Variants in RANBP2 observed in about 807,000 individuals in gnomAD.
The protein encoded by RANBP2 is E3 SUMO-protein ligase RanBP2.
RANBP2 carries 57 observed loss-of-function variants against 303.6 expected under a neutral mutation model. That is an observed-to-expected ratio of 0.19 (90% CI 0.15 to 0.23). The LOEUF (loss-of-function observed/expected upper bound fraction) is 0.23, where lower values mean the gene tolerates loss of function less well. Among genes scored for constraint, RANBP2 ranks in the 10% least tolerant of loss-of-function variants. The pLI is 1.00. For synonymous variants in RANBP2, 1,167 were observed against 1,301.5 expected, an observed-to-expected ratio of 0.90 and a Z score of 2.23; for missense variants, 3,138 against 3,780.8, an observed-to-expected ratio of 0.83 and a Z score of 4.46.
the RANBP2 span, chr2:108,907,904 G>T: frequency 6.2e-7 from 1 of 1,613,664 alleles, no homozygotes. Flanking sequence ...CTGGCCAGGT[G>T]AACCAGCGAC....
the RANBP2 span, among the ~76,000 whole-genome samples, chr2:108,985,602 T>A: frequency 6.6e-6 from 1 of 152,168 alleles, no homozygotes; most frequent in Non-Finnish European, 1.5e-5. Context: ...GGCAAGAGGA[T>A]CTGGGCAAGG....
chr2:109,614,610 G>C, the RANBP2 span: 1 of 1,457,532 alleles, frequency 6.9e-7, no homozygotes, highest in Admixed American at 2.5e-5. Flanking sequence ...CTTCAGGGGC[G>C]CCCTAGGCGG....
the RANBP2 span, among the ~76,000 whole-genome samples, chr2:109,417,928 C>G: frequency 6.6e-6 from 1 of 152,130 alleles, no homozygotes; most frequent in Non-Finnish European, 1.5e-5. Context: ...CTTCTTGCTC[C>G]TAAGCTAAGA....
chr2:109,273,367 G>A, the RANBP2 span, among the ~76,000 whole-genome samples: 16 of 152,218 alleles, frequency 1.1e-4, no homozygotes, highest in African/African-American at 3.6e-4. Flanking sequence ...GCTCCATTGA[G>A]CCTTAACGCA....
chr2:108,871,778 C>T, the RANBP2 span, among the ~76,000 whole-genome samples: 7 of 152,152 alleles, frequency 4.6e-5, no homozygotes, highest in South Asian at 2.1e-4. Context: ...TCATCTTCCC[C>T]GCCTCCATTT....
chr2:108,975,285 G>A, the RANBP2 span, among the ~76,000 whole-genome samples: 1 of 152,138 alleles, frequency 6.6e-6, no homozygotes, highest in South Asian at 2.1e-4. Flanking sequence ...ATCCCCTGCC[G>A]GCCACCATGC....
At chr2:109,462,784 G>A in the RANBP2 span, among the ~76,000 whole-genome samples, 1 of 152,074 alleles carries the variant, frequency 6.6e-6, no homozygotes, top group Non-Finnish European at 1.5e-5. Flanking sequence ...ATGGGTTCAG[G>A]GCCATACTTG....
At chr2:109,600,125 G>A in the RANBP2 span, among the ~76,000 whole-genome samples, 2 of 152,130 alleles carry the variant, frequency 1.3e-5, no homozygotes, top group Admixed American at 6.5e-5. Context: ...GCACAGTAGG[G>A]ATGTCAGGGC....
chr2:109,431,870 CA>C, the RANBP2 span, among the ~76,000 whole-genome samples: 65 of 142,526 alleles, frequency 4.6e-4, no homozygotes, highest in Admixed American at 3.5e-4. Flanking sequence ...GATGCTGTTT[CA>C]AAAAAAAAAA....
At chr2:108,913,219 G>C in the RANBP2 span, among the ~76,000 whole-genome samples, 1 of 152,088 alleles carries the variant, frequency 6.6e-6, no homozygotes, top group Non-Finnish European at 1.5e-5. Flanking sequence ...AAAGTGCTGG[G>C]ATTACAGGCA....
chr2:108,750,339 A>G (rs1675775280), intron 9 of RANBP2, among the ~76,000 whole-genome samples: 1 of 152,190 alleles, frequency 6.6e-6, no homozygotes, highest in Non-Finnish European at 1.5e-5. Flanking sequence ...TTTGCTTGCT[A>G]CTTTCTGTTA....
the RANBP2 span, among the ~76,000 whole-genome samples, chr2:109,127,016 T>C: frequency 6.6e-6 from 1 of 152,212 alleles, no homozygotes; most frequent in Admixed American, 6.5e-5. Flanking sequence ...CATGTGAACA[T>C]GTTTCCATGC....
the RANBP2 span, among the ~76,000 whole-genome samples, chr2:109,108,661 C>A: frequency 6.6e-6 from 1 of 152,200 alleles, no homozygotes; most frequent in East Asian, 1.9e-4. Context: ...ATAAAGAATT[C>A]TGGGAAATAA....
chr2:109,544,597 T>C, the RANBP2 span: 4 of 966,320 alleles, frequency 4.1e-6, no homozygotes, highest in East Asian at 4.6e-4. Context: ...AAATTATCTT[T>C]CATATAGGGG....
At chr2:108,995,705 C>T in the RANBP2 span, among the ~76,000 whole-genome samples, 1 of 152,186 alleles carries the variant, frequency 6.6e-6, no homozygotes, top group Admixed American at 6.5e-5. Flanking sequence ...TCCAATGAGC[C>T]ACAGCAGGTG....
chr2:108,739,499 C>G (rs942131575), intron 6 of RANBP2, among the ~76,000 whole-genome samples: 1 of 152,012 alleles, frequency 6.6e-6, no homozygotes, highest in Non-Finnish European at 1.5e-5. Context: ...GTAATTTTAA[C>G]TTCATGGATC....
At chr2:109,457,445 G>A in the RANBP2 span, among the ~76,000 whole-genome samples, 3 of 152,162 alleles carry the variant, frequency 2.0e-5, no homozygotes, top group Non-Finnish European at 4.4e-5. Flanking sequence ...AAATGAAAAG[G>A]ATTTGTAAGT....
chr2:109,249,583 C>CCTTCCTTCCTTCCTTCCTTCCTTT, the RANBP2 span, among the ~76,000 whole-genome samples: 4 of 84,398 alleles, frequency 4.7e-5, no homozygotes, highest in Non-Finnish European at 6.8e-5. Context: ...TTCCTTCCTT[C>CCTTCCTTCCTTCCTTCCTTCCTTT]CTTTCCTTTC....
At chr2:108,725,205 G>C (rs1201446818) in intron 1 of RANBP2, among the ~76,000 whole-genome samples, 1 of 152,166 alleles carries the variant, frequency 6.6e-6, no homozygotes, top group Non-Finnish European at 1.5e-5. Flanking sequence ...GCTTGCATCA[G>C]ATATTGTCCT....
Sources: allele counts gnomAD v4.1 joint callset (sites outside exome capture counted in the v4.1 genomes callset), GRCh38; gene constraint gnomAD v4.1.1; transcripts MANE v1.5; gene names NCBI Gene and HGNC (gene_info 2026-07-23, HGNC 2026-07-21).